The following CERS3 variants were observed in gnomAD, a reference collection of about 807,000 sequenced individuals.
CERS3 encodes the protein ceramide synthase 3.
CERS3 carries 33 observed loss-of-function variants against 50.3 expected under a neutral mutation model. The ratio of observed to expected loss-of-function variants is 0.66; its 90% CI spans 0.50 to 0.88. The LOEUF (loss-of-function observed/expected upper bound fraction) is 0.88. Among genes scored for constraint, CERS3 ranks in the 40% least tolerant of loss-of-function variants. CERS3 has a pLI of 0.00. For missense variants in CERS3, 470 were observed against 460.3 expected (o/e 1.02, Z -0.19); for synonymous variants, 176 against 155.2 (o/e 1.13, Z -0.99).
chr15:100,404,684 T>C (rs554499034), intron 11 of CERS3, among the ~76,000 whole-genome samples: 7 of 152,074 alleles, frequency 4.6e-5, no homozygotes, highest in Non-Finnish European at 1.0e-4. Flanking sequence ...CTGAAAAACA[T>C]AATAAAATGG....
chr15:100,480,644 TA>T (rs939038637), intron 5 of CERS3, among the ~76,000 whole-genome samples: 2 of 152,162 alleles, frequency 1.3e-5, no homozygotes, highest in Non-Finnish European at 2.9e-5. Context: ...CAAGAAATTG[TA>T]AAGAAAATTA....
At chr15:100,502,267 A>AAAAAAAAAAAAAAAAAAAAG (rs2036033219) in intron 2 of CERS3, among the ~76,000 whole-genome samples, 16 of 109,292 alleles carry the variant, frequency 1.5e-4, no homozygotes, top group South Asian at 3.1e-4. Flanking sequence ...AAAAAAAAAA[A>AAAAAAAAAAAAAAAAAAAAG]AAAGAAAGAA....
chr15:100,436,598 C>T (rs963930263), intron 11 of CERS3, among the ~76,000 whole-genome samples: 2 of 151,932 alleles, frequency 1.3e-5, no homozygotes, highest in South Asian at 2.1e-4. Context: ...TATAACAAAC[C>T]TGCATGTTCT....
intron 10 of CERS3, among the ~76,000 whole-genome samples, chr15:100,461,345 T>C (rs990396369): frequency 6.6e-6 from 1 of 152,106 alleles, no homozygotes; most frequent in African/African-American, 2.4e-5. Context: ...GAAGCTGCCA[T>C]TAAGATGCAA....
chr15:100,527,067 G>C (rs2036816083), intron 1 of CERS3, among the ~76,000 whole-genome samples: 1 of 152,120 alleles, frequency 6.6e-6, no homozygotes, highest in Non-Finnish European at 1.5e-5. Context: ...GCTGAGGTGG[G>C]CAGATCACTT....
intron 7 of CERS3, among the ~76,000 whole-genome samples, chr15:100,477,116 TA>T (rs1404393240): frequency 6.6e-6 from 1 of 152,202 alleles, no homozygotes; most frequent in African/African-American, 2.4e-5. Flanking sequence ...GAGCCTAGCC[TA>T]AATTGACAAT....
At chr15:100,491,060 C>T (rs758082626) in intron 3 of CERS3, 129 bp from the exon 4 acceptor site, 11 of 590,522 alleles carry the variant, frequency 1.9e-5, no homozygotes, top group Non-Finnish European at 2.4e-5. Flanking sequence ...ACTGGGGCTA[C>T]GTACAGCCAA....
chr15:100,466,841 C>CTCTCTTTCTCTCTT (rs2034754827), intron 10 of CERS3, among the ~76,000 whole-genome samples: 4 of 8,776 alleles, frequency 4.6e-4, no homozygotes, highest in Non-Finnish European at 1.1e-3. Flanking sequence ...CCCTCTCTCC[C>CTCTCTTTCTCTCTT]TCTCTCTTTC....
intron 1 of CERS3, among the ~76,000 whole-genome samples, chr15:100,542,543 T>C (rs1205292280): frequency 2.0e-5 from 3 of 152,190 alleles, no homozygotes; most frequent in Non-Finnish European, 4.4e-5. Flanking sequence ...ATGCATGCCA[T>C]GCTAATACTA....
intron 11 of CERS3, chr15:100,438,038 T>A (rs2033509415): frequency 4.1e-5 from 2 of 48,558 alleles, no homozygotes; most frequent in African/African-American, 1.3e-4. Flanking sequence ...TGTACCCACT[T>A]TTTTTTTTTT....
intron 2 of CERS3, among the ~76,000 whole-genome samples, chr15:100,507,873 T>A (rs1596784267): frequency 6.6e-6 from 1 of 152,248 alleles, no homozygotes; most frequent in African/African-American, 2.4e-5. Flanking sequence ...ATAGTCGCGG[T>A]CTCTCAGCTT....
At chr15:100,469,339 A>G (rs2034886564) in intron 10 of CERS3, 39 bp downstream of exon 10, 1 of 1,528,940 alleles carries the variant, frequency 6.5e-7, no homozygotes, top group Non-Finnish European at 9.1e-7. Flanking sequence ...CCACCTCTGC[A>G]CACTGACCAA....
At chr15:100,451,806 C>T (rs2034182182) in intron 11 of CERS3, among the ~76,000 whole-genome samples, 1 of 151,706 alleles carries the variant, frequency 6.6e-6, no homozygotes, top group South Asian at 2.1e-4. Flanking sequence ...AAATGGAAAC[C>T]AAAAGCAAGC....
At chr15:100,449,506 G>T (rs192432962) in intron 11 of CERS3, among the ~76,000 whole-genome samples, 1 of 152,242 alleles carries the variant, frequency 6.6e-6, no homozygotes, top group Non-Finnish European at 1.5e-5. Flanking sequence ...GGACCATTTG[G>T]CCCACTGCTG....
intron 2 of CERS3, among the ~76,000 whole-genome samples, chr15:100,505,870 T>C (rs2036162352): frequency 6.6e-6 from 1 of 152,146 alleles, no homozygotes. Context: ...TAGCTAGGCA[T>C]GGGGCATGGT....
intron 2 of CERS3, among the ~76,000 whole-genome samples, chr15:100,507,177 A>T (rs150641372): frequency 3.1e-4 from 47 of 152,342 alleles, no homozygotes; most frequent in African/African-American, 1.1e-3. Context: ...AGAGTTCAGC[A>T]TGACTTTAAA....
chr15:100,533,083 A>C (rs2036980084), upstream of CERS3, among the ~76,000 whole-genome samples: 2 of 152,192 alleles, frequency 1.3e-5, no homozygotes, highest in Non-Finnish European at 2.9e-5. Flanking sequence ...TTGCCGGATA[A>C]CCTGAGAGGC....
At chr15:100,502,997 A>C (rs2036058258) in intron 2 of CERS3, among the ~76,000 whole-genome samples, 1 of 152,258 alleles carries the variant, frequency 6.6e-6, no homozygotes, top group Admixed American at 6.5e-5. Flanking sequence ...CAAAGTATTC[A>C]GACTACAATC....
chr15:100,450,222 C>T (rs533685282), intron 11 of CERS3, among the ~76,000 whole-genome samples: 1 of 151,898 alleles, frequency 6.6e-6, no homozygotes, highest in South Asian at 2.1e-4. Flanking sequence ...AGACCAAAAC[C>T]ATTCTGGCCA....
Sources: gnomAD v4.1 joint callset for allele counts (sites outside exome capture counted in the v4.1 genomes callset) on GRCh38, gnomAD v4.1.1 for gene constraint, MANE v1.5 for transcripts, NCBI Gene and HGNC (gene_info 2026-07-23, HGNC 2026-07-21) for gene names.